SMARCAL1: variants seen among roughly 807,000 people sequenced by gnomAD.
SMARCAL1 encodes ATP-driven annealing helicase.
Under a neutral mutation model 94.5 loss-of-function variants are expected in SMARCAL1, and 58 were observed. The observed-to-expected ratio is 0.61, with a 90% confidence interval of 0.50 to 0.76. The LOEUF (loss-of-function observed/expected upper bound fraction) is 0.76, where lower values mean the gene tolerates loss of function less well. Among genes scored for constraint, SMARCAL1 ranks in the 30% least tolerant of loss-of-function variants. The pLI is 0.00. For synonymous variants in SMARCAL1, 422 were observed against 455.1 expected (o/e 0.93, Z 0.93); for missense variants, 1,051 against 1,177.9 (o/e 0.89, Z 1.58).
chr2:216,450,559 A>G (rs1694425630), intron 11 of SMARCAL1, among the ~76,000 whole-genome samples: 1 of 152,202 alleles, frequency 6.6e-6, no homozygotes. Flanking sequence ...TGGACACCCA[A>G]TTGCTTGACT....
chr2:216,431,928 A>G (rs928986222), intron 7 of SMARCAL1, among the ~76,000 whole-genome samples: 1 of 152,158 alleles, frequency 6.6e-6, no homozygotes, highest in Non-Finnish European at 1.5e-5. Flanking sequence ...TGTCTTTGCC[A>G]GCCCCTTTCT....
chr2:216,429,622 A>T (rs2106030134), intron 7 of SMARCAL1, among the ~76,000 whole-genome samples: 1 of 152,314 alleles, frequency 6.6e-6, no homozygotes, highest in Non-Finnish European at 1.5e-5. Flanking sequence ...AGTTGAACAT[A>T]GAGCCCTGTG....
intron 6 of SMARCAL1, among the ~76,000 whole-genome samples, chr2:216,425,110 G>T (rs1340883405): frequency 6.6e-6 from 1 of 152,160 alleles, no homozygotes; most frequent in East Asian, 1.9e-4. Context: ...GGCTTGCTTT[G>T]CCCACTCGAC....
intron 17 of SMARCAL1, among the ~76,000 whole-genome samples, chr2:216,480,483 G>T (rs1314961788): frequency 2.6e-5 from 4 of 152,200 alleles, no homozygotes; most frequent in Non-Finnish European, 5.9e-5. Context: ...GCCTTGCAGG[G>T]TGGCGTTTCC....
intron 7 of SMARCAL1, among the ~76,000 whole-genome samples, chr2:216,429,275 T>C (rs1229669018): frequency 6.6e-6 from 1 of 152,198 alleles, no homozygotes; most frequent in Non-Finnish European, 1.5e-5. Flanking sequence ...GTACCAATGT[T>C]GGAGCCAGTC....
intron 11 of SMARCAL1, 100 bp from the exon 12 acceptor site, chr2:216,450,746 G>A: frequency 1.1e-6 from 1 of 872,204 alleles, no homozygotes; most frequent in Non-Finnish European, 1.9e-6. Context: ...AGCTAAGCCA[G>A]GGGTGGTTGT....
chr2:216,431,907 G>A (rs1408620401), intron 7 of SMARCAL1, among the ~76,000 whole-genome samples: 2 of 152,206 alleles, frequency 1.3e-5, no homozygotes, highest in Non-Finnish European at 2.9e-5. Flanking sequence ...GTCCTCATTA[G>A]CAGCATCTTC....
At chr2:216,473,150 C>T (rs1321127758) in intron 14 of SMARCAL1, among the ~76,000 whole-genome samples, 1 of 152,144 alleles carries the variant, frequency 6.6e-6, no homozygotes, top group Non-Finnish European at 1.5e-5. Context: ...TCACGCCCTC[C>T]TGCCCCTTCC....
intron 2 of SMARCAL1, chr2:216,414,391 A>G: frequency 2.8e-6 from 1 of 351,280 alleles, no homozygotes; most frequent in Non-Finnish European, 5.5e-6. Context: ...TCCTGACCTC[A>G]AGTGATCCAC....
chr2:216,478,199 A>C lies in SMARCAL1; in HGVS notation c.2529-4A>C. 3 of 1,613,838 alleles carry C rather than the reference A, an allele frequency of 1.9e-6. No homozygotes were observed. Among genetic ancestry groups the C allele is most frequent in the Non-Finnish European group, 2.5e-6 (3 of 1,179,698 alleles). On this transcript the variant is annotated splice_polypyrimidine_tract_variant and splice_region_variant and intron_variant, in intron 16 of 17. Transcript: ENST00000357276. ...ATTCACTGCAGCTCATTTCTCCCCA[A>C]CAGGCCCCTGATTCAAGAGAAGATT...
chr2:216,456,379 A>G (rs1295433386), intron 12 of SMARCAL1, among the ~76,000 whole-genome samples: 1 of 152,224 alleles, frequency 6.6e-6, no homozygotes, highest in East Asian at 1.9e-4. Context: ...GAGCAACTCC[A>G]AGACACATAA....
Position 216,478,402 on chromosome 2 carries a change from G to T in SMARCAL1, c.2625+103G>T. On this transcript the variant is annotated intron_variant, in intron 17 of 17. Coordinates refer to ENST00000357276, the MANE Select transcript of SMARCAL1 (RefSeq NM_014140.4). ...TAGGAGGATGTGAATCACTCCTAGG[G>T]ACCTCCCCCAGCCTAGAGCTGAAAA... is the stretch of plus-strand genomic sequence containing the variant. 3 of 853,376 alleles carry T rather than the reference G, an allele frequency of 3.5e-6. No homozygotes were observed. The South Asian group carries it at 4.0e-5, about 11-fold the overall frequency. The allele number at this position is 853,376 out of a possible 1,614,324, so 52.9% of individuals were successfully genotyped here. A position where few individuals can be genotyped will look rare whatever the true frequency, so the allele number is the denominator to read the frequency against.
intron 11 of SMARCAL1, among the ~76,000 whole-genome samples, chr2:216,450,303 C>G (rs1344143075): frequency 6.6e-6 from 1 of 152,216 alleles, no homozygotes; most frequent in Non-Finnish European, 1.5e-5. Flanking sequence ...CCTGCCAACC[C>G]CAGCTGCCAT....
chr2:216,452,230 G>C (rs1328663807), intron 12 of SMARCAL1, among the ~76,000 whole-genome samples: 1 of 152,132 alleles, frequency 6.6e-6, no homozygotes, highest in Non-Finnish European at 1.5e-5. Flanking sequence ...GTGGAATCAT[G>C]AGTAAAACCA....
At chr2:216,457,886 T>C (rs975504766) in intron 12 of SMARCAL1, among the ~76,000 whole-genome samples, 1 of 151,996 alleles carries the variant, frequency 6.6e-6, no homozygotes, top group African/African-American at 2.4e-5. Context: ...AAAAAATCAA[T>C]GAATCCAGGA....
At chr2:216,428,092 C>G (rs1282182845) in intron 6 of SMARCAL1, among the ~76,000 whole-genome samples, 1 of 152,048 alleles carries the variant, frequency 6.6e-6, no homozygotes, top group African/African-American at 2.4e-5. Flanking sequence ...TTAGATTTTT[C>G]AAAGGAAAAT....
chr2:216,446,879 T>G, intron 10 of SMARCAL1, 139 bp from the exon 11 acceptor site: 1 of 895,416 alleles, frequency 1.1e-6, no homozygotes, highest in Non-Finnish European at 1.8e-6. Flanking sequence ...CTGCTTGCAT[T>G]GGCAATGCCA....
rs149567782 is a variant in SMARCAL1, at chr2:216,415,000, A to G, written c.296A>G (p.Lys99Arg). The G allele has an allele frequency of 1.1e-4, 174 of 1,614,128 alleles. No individual in the cohort carries two copies. The highest frequency in any genetic ancestry group is 1.4e-4 in the Non-Finnish European group (171 of 1,180,054). ...SHSFQAKGIW[K>R]KPEEMPTACP... ...AGTTTTCAGGCAAAGGGAATATGGA[A>G]AAAGCCAGAAGAAATGCCCACAGCC... Residue 99 changes from lysine to arginine, a missense_variant, in exon 3 of 18, where the codon AAA (lysine) becomes AGA (arginine). Lys to Arg is a conservative substitution (Grantham distance 26). Transcript: ENST00000357276.
In SMARCAL1 at chr2:216,446,759, C is replaced by T. The variant is rs531645188; in HGVS notation, c.1711-259C>T. On this transcript the variant is annotated intron_variant, in intron 10 of 17. Transcript: ENST00000357276. ...TCCTTGATCTCAAGAGGCTTGCAGT[C>T]TAACAAGGGAGACAGAAAAGTTATA... 35 of 615,092 alleles carry T rather than the reference C, an allele frequency of 5.7e-5. No homozygotes were observed. The East Asian group carries it at 1.2e-3, about 21-fold the overall frequency. 38.1% of individuals were successfully genotyped at this position (615,092 alleles called of 1,614,324 possible). A position where few individuals can be genotyped will look rare whatever the true frequency, so the allele number is the denominator to read the frequency against.
Sources: allele counts gnomAD v4.1 joint callset (sites outside exome capture counted in the v4.1 genomes callset), GRCh38; gene constraint gnomAD v4.1.1; transcripts MANE v1.5; gene names NCBI Gene and HGNC (gene_info 2026-07-23, HGNC 2026-07-21).